PAWR: variants seen among roughly 807,000 people sequenced by gnomAD.
The protein encoded by PAWR is PRKC apoptosis WT1 regulator protein.
PAWR carries 23 observed loss-of-function variants against 32.0 expected under a neutral mutation model. The observed-to-expected ratio is 0.72, with a 90% confidence interval of 0.52 to 1.02. PAWR has a LOEUF of 1.02. PAWR is among the 50% of genes least tolerant of loss of function. The pLI is 0.00. For synonymous variants in PAWR, 226 were observed against 187.1 expected, an observed-to-expected ratio of 1.21 and a Z score of -1.70; for missense variants, 457 against 437.7, an observed-to-expected ratio of 1.04 and a Z score of -0.39.
chr12:79,604,693 C>T, intron 4 of PAWR: 1 of 1,288,698 alleles, frequency 7.8e-7, no homozygotes, highest in South Asian at 1.2e-5. Context: ...GTAACAGCTC[C>T]TTGCTCTGTG....
chr12:79,661,227 C>T (rs567506980), intron 2 of PAWR, among the ~76,000 whole-genome samples: 2 of 128,644 alleles, frequency 1.6e-5, no homozygotes, highest in African/African-American at 3.2e-5. Context: ...CCAGCCTGGG[C>T]GAAGAAGCGA....
intron 4 of PAWR, chr12:79,603,617 TA>T (rs1217023992): frequency 6.6e-6 from 1 of 151,836 alleles, no homozygotes; most frequent in African/African-American, 2.4e-5. Context: ...TAACAATTTT[TA>T]AAACCTTCCA....
chr12:79,624,628 G>A (rs571326779), intron 2 of PAWR, among the ~76,000 whole-genome samples: 15 of 152,200 alleles, frequency 9.9e-5, no homozygotes, highest in African/African-American at 3.6e-4. Flanking sequence ...CAGTTCTTTT[G>A]ATAACAAGCA....
intron 4 of PAWR, among the ~76,000 whole-genome samples, chr12:79,601,405 A>G (rs1207526314): frequency 6.6e-6 from 1 of 151,850 alleles, no homozygotes; most frequent in Non-Finnish European, 1.5e-5. Flanking sequence ...AGGTCTTGCT[A>G]TGTTGCCCAG....
At chr12:79,604,707 G>C (rs2136684883) in intron 4 of PAWR, 5 of 1,286,978 alleles carry the variant, frequency 3.9e-6, no homozygotes, top group African/African-American at 1.5e-5. Flanking sequence ...CTCTGTGTAG[G>C]GTTTATCTCT....
intron 2 of PAWR, among the ~76,000 whole-genome samples, chr12:79,686,728 G>C (rs994076246): frequency 6.6e-6 from 1 of 152,108 alleles, no homozygotes. Context: ...GTACTGAAAA[G>C]TTTAAGACTC....
chr12:79,618,960 T>C (rs1402787553), intron 3 of PAWR, among the ~76,000 whole-genome samples: 5 of 152,040 alleles, frequency 3.3e-5, no homozygotes, highest in African/African-American at 1.2e-4. Flanking sequence ...AAGCTTTCAC[T>C]TTCTACAGTT....
At position 79,604,696 on chromosome 12, in the gene PAWR, G is replaced by A. The variant is rs1011147246; in HGVS notation, c.684-8038C>T. ...CTCCCACTCCTCGTAACAGCTCCTTGCTCTGTGTAGGGTTTATCTCTCTTC... is the reference window on the plus strand; with the variant it reads ...CTCCCACTCCTCGTAACAGCTCCTTACTCTGTGTAGGGTTTATCTCTCTTC... On this transcript the variant is annotated intron_variant, in intron 4 of 6. Coordinates refer to ENST00000328827, the MANE Select transcript of PAWR (RefSeq NM_002583.4). The A allele has an allele frequency of 1.5e-5, 19 of 1,288,140 alleles. No homozygotes were observed. In the African/African-American group the frequency reaches 2.9e-4, roughly 20 times the overall value. 79.8% of individuals were successfully genotyped at this position (1,288,140 alleles called of 1,614,324 possible).
intron 2 of PAWR, among the ~76,000 whole-genome samples, chr12:79,686,131 T>C (rs931053854): frequency 6.6e-5 from 10 of 152,216 alleles, no homozygotes; most frequent in African/African-American, 2.4e-4. Flanking sequence ...TGTTAACTTT[T>C]ATACTTAAAC....
rs1438446641 is a variant in PAWR, at chr12:79,689,834, G to A, written c.411C>T (p.Gly137=). Reference sequence around the variant, plus strand: ...TCCTGGCACTGGGGCCCGAGCTCTTGCCCTTCTCTGGGACGCCGTCCGGCT... The same window carrying A: ...TCCTGGCACTGGGGCCCGAGCTCTTACCCTTCTCTGGGACGCCGTCCGGCT... ...EEEPDGVPEK[G]KSSGPSARKG... The change falls in exon 2 of 7, where the codon GGC becomes GGT. Residue 137 remains glycine, a synonymous_variant. Transcript: ENST00000328827. The A allele has an allele frequency of 1.3e-6, 2 of 1,592,486 alleles. No individual in the cohort carries two copies. The highest frequency in any genetic ancestry group is 1.1e-5 in the South Asian group (1 of 87,606).
rs866290522 is a variant in PAWR at position 79,632,338 on chromosome 12, T to C, written c.517-11131A>G. Among the ~76,000 whole-genome samples, 183 of 58,680 alleles carry C rather than the reference T, an allele frequency of 3.1e-3. 22 individuals carry two copies. Among genetic ancestry groups the C allele is most frequent in the African/African-American group, 0.013 (60 of 4,776 alleles). The allele number at this position is 58,680 out of a possible 152,430, so 38.5% of individuals were successfully genotyped here. Reference sequence around the variant, plus strand: ...ATATATATATATATATATATATATATATATATATATATATATATATATATT... The same window carrying C: ...ATATATATATATATATATATATATACATATATATATATATATATATATATT... On this transcript the variant is annotated intron_variant, in intron 2 of 6. Transcript: ENST00000328827.
chr12:79,626,197 T>C (rs1297607935), intron 2 of PAWR, among the ~76,000 whole-genome samples: 2 of 142,442 alleles, frequency 1.4e-5, no homozygotes, highest in Non-Finnish European at 1.5e-5. Flanking sequence ...AATACATATA[T>C]ATATAAAATG....
Position 79,690,116 on chromosome 12 carries a change from T to TCCCGGGGGGGCCGGG in PAWR, c.114_128dup (p.Pro39_Gly43dup), listed in dbSNP as rs773451963. 2.7e-6 allele frequency: 4 copies of TCCCGGGGGGGCCGGG among 1,497,174 alleles called. No individual in the cohort carries two copies. The highest frequency in any genetic ancestry group is 4.3e-5 in the Admixed American group (2 of 46,946). The allele number at this position is 1,497,174 out of a possible 1,614,324, so 92.7% of individuals were successfully genotyped here. On this transcript the variant is annotated inframe_insertion, in exon 2 of 7. Transcript: ENST00000328827. ...TCCCAGCGGCGTCGCTGCTGCCCCC[T>TCCCGGGGGGGCCGGG]CCCGGGGGGGCCGGGCCCGGGGGGT... is the stretch of plus-strand genomic sequence containing the variant.
Position 79,689,930 on chromosome 12 carries a change from C to A in PAWR, c.315G>T (p.Pro105=), listed in dbSNP as rs1253916461. The change falls in exon 2 of 7, where the codon CCG becomes CCT. Residue 105 remains proline, a synonymous_variant. Coordinates refer to ENST00000328827, the MANE Select transcript of PAWR (RefSeq NM_002583.4). The part of the protein sequence containing the change: ...SAMLTRAAPG[P]RRSEDEPPAA... The stretch of plus-strand genomic sequence containing the variant: ...CTGGGGGCTCGTCCTCCGACCGCCG[C>A]GGGCCGGGGGCCGCCCGCGTCAGCA... 5.7e-6 allele frequency: 8 copies of A among 1,415,122 alleles called. No individual in the cohort carries two copies. The highest frequency in any genetic ancestry group is 7.3e-6 in the Non-Finnish European group (8 of 1,090,314). 87.7% of individuals were successfully genotyped at this position (1,415,122 alleles called of 1,614,324 possible).
chr12:79,647,845 G>T (rs1876649579), intron 2 of PAWR, among the ~76,000 whole-genome samples: 1 of 152,118 alleles, frequency 6.6e-6, no homozygotes, highest in African/African-American at 2.4e-5. Context: ...TAACACAGCG[G>T]TCCCCAATCT....
At chr12:79,623,448 G>C (rs1592508334) in intron 2 of PAWR, among the ~76,000 whole-genome samples, 1 of 151,876 alleles carries the variant, frequency 6.6e-6, no homozygotes, top group East Asian at 1.9e-4. Context: ...TTAGAAAGGA[G>C]GCAAAATTAC....
intron 2 of PAWR, among the ~76,000 whole-genome samples, chr12:79,676,320 G>A (rs1294832356): frequency 6.6e-6 from 1 of 152,162 alleles, no homozygotes; most frequent in African/African-American, 2.4e-5. Context: ...AATATTCTAA[G>A]AGCCAGCTTG....
Position 79,584,923 on chromosome 12 carries a change from A to T in PAWR, c.*7684T>A, listed in dbSNP as rs1873346450. ...TTATTTTTTCCAATCAAGTCTTAAA[A>T]GTTTGATGAAAGCGCATTATTGTTA... On this transcript the variant is annotated 3_prime_UTR_variant, in exon 7 of 7. Coordinates refer to ENST00000328827, the MANE Select transcript of PAWR (RefSeq NM_002583.4). The T allele has an allele frequency of 5.3e-6, 1 of 187,158 alleles. No homozygotes were observed. The highest frequency in any genetic ancestry group is 6.2e-5 in the Admixed American group (1 of 16,222). 11.6% of individuals were successfully genotyped at this position (187,158 alleles called of 1,614,324 possible). A position where few individuals can be genotyped will look rare whatever the true frequency, so the allele number is the denominator to read the frequency against.
chr12:79,616,978 C>T (rs1874769298), intron 3 of PAWR, among the ~76,000 whole-genome samples: 2 of 152,136 alleles, frequency 1.3e-5, no homozygotes, highest in African/African-American at 4.8e-5. Flanking sequence ...ACACAGACGA[C>T]ACGAGTTTAT....
Sources: gnomAD v4.1 joint callset for allele counts (sites outside exome capture counted in the v4.1 genomes callset) on GRCh38, gnomAD v4.1.1 for gene constraint, MANE v1.5 for transcripts, NCBI Gene and HGNC (gene_info 2026-07-23, HGNC 2026-07-21) for gene names.